Variants in GRID1 observed in about 807,000 individuals in gnomAD.
The protein encoded by GRID1 is glutamate ionotropic receptor delta type subunit 1, also known as glutamate receptor ionotropic, delta-1.
A neutral mutation model predicts 98.0 loss-of-function variants in GRID1; 28 were observed. The observed-to-expected ratio is 0.29, with a 90% CI of 0.21 to 0.39. The LOEUF (loss-of-function observed/expected upper bound fraction) is 0.39. GRID1 is among the 10% of genes least tolerant of loss of function. GRID1 has a pLI of 1.00. For missense variants in GRID1, 1,111 were observed against 1,340.5 expected, an observed-to-expected ratio of 0.83 and a Z score of 2.67; for synonymous variants, 553 against 538.5, an observed-to-expected ratio of 1.03 and a Z score of -0.37.
intron 8 of GRID1, among the ~76,000 whole-genome samples, chr10:85,747,511 G>A (rs1189502591): frequency 6.6e-6 from 1 of 152,050 alleles, no homozygotes; most frequent in Non-Finnish European, 1.5e-5. Context: ...AACCTCATAG[G>A]GCTCAGGCCT....
chr10:85,698,372 A>G (rs1841416175), intron 12 of GRID1, among the ~76,000 whole-genome samples: 1 of 152,220 alleles, frequency 6.6e-6, no homozygotes, highest in South Asian at 2.1e-4. Context: ...ATCCACAAAT[A>G]CATCTTTTAA....
intron 2 of GRID1, among the ~76,000 whole-genome samples, chr10:86,340,311 C>T (rs1848292252): frequency 6.6e-6 from 1 of 152,182 alleles, no homozygotes; most frequent in Non-Finnish European, 1.5e-5. Context: ...AGCAAAATAT[C>T]GGACAGGAAA....
intron 4 of GRID1, among the ~76,000 whole-genome samples, chr10:85,967,653 T>C (rs1842354734): frequency 6.6e-6 from 1 of 152,222 alleles, no homozygotes; most frequent in Non-Finnish European, 1.5e-5. Flanking sequence ...ACAGAAATTA[T>C]ATTTTTAAAG....
chr10:86,017,758 T>C (rs1842998257), intron 4 of GRID1, among the ~76,000 whole-genome samples: 1 of 152,194 alleles, frequency 6.6e-6, no homozygotes, highest in African/African-American at 2.4e-5. Context: ...GAATGATTAG[T>C]AGTTCTGAGC....
In GRID1 at chr10:86,197,031, A is replaced by G. The variant is rs148672502; in HGVS notation, c.520+9333T>C. ...CTGTTCTAAATGCTGTGGGTCCAGT[A>G]TCACTCAACCAAGCAAACAAAACTG... is the stretch of plus-strand genomic sequence containing the variant. On this transcript the variant is annotated intron_variant, in intron 3 of 15. Coordinates refer to ENST00000327946, the MANE Select transcript of GRID1 (RefSeq NM_017551.3). 6.6e-4 allele frequency among the ~76,000 whole-genome samples: 100 copies of G among 152,210 alleles called. 1 individual carries two copies. Among genetic ancestry groups the G allele is most frequent in the Non-Finnish European group, 1.2e-3 (82 of 67,972 alleles).
intron 4 of GRID1, among the ~76,000 whole-genome samples, chr10:86,066,503 C>T (rs1278333141): frequency 6.6e-6 from 1 of 152,172 alleles, no homozygotes; most frequent in African/African-American, 2.4e-5. Context: ...CAAGTTCACA[C>T]AGTTTATAAG....
chr10:86,110,295 T>A (rs558479746), intron 4 of GRID1, among the ~76,000 whole-genome samples: 92 of 152,278 alleles, frequency 6.0e-4, no homozygotes, highest in Admixed American at 2.1e-3. Flanking sequence ...ATTCACCCCC[T>A]GGGTCACCCA....
In GRID1 at chr10:86,034,103, C is replaced by T. The variant is rs904210247; in HGVS notation, c.726+104716G>A. ...AATCAAATGGAAAGCCTACAGCTCC[C>T]GCTATGTTGTTAATATTCGATTTTT... On this transcript the variant is annotated intron_variant, in intron 4 of 15. Transcript: ENST00000327946. 1.3e-4 allele frequency among the ~76,000 whole-genome samples: 20 copies of T among 152,076 alleles called. 1 individual carries two copies. Among genetic ancestry groups the T allele is most frequent in the Non-Finnish European group, 2.8e-4 (19 of 68,036 alleles).
chr10:86,119,951 C>T (rs954849522), intron 4 of GRID1, among the ~76,000 whole-genome samples: 8 of 152,098 alleles, frequency 5.3e-5, no homozygotes, highest in Non-Finnish European at 7.4e-5. Context: ...CCACCATGCC[C>T]GGCTAATTTT....
At chr10:86,119,699 G>A (rs1844638017) in intron 4 of GRID1, among the ~76,000 whole-genome samples, 1 of 152,096 alleles carries the variant, frequency 6.6e-6, no homozygotes, top group South Asian at 2.1e-4. Flanking sequence ...CCCATCTAGG[G>A]CATCCTGTTT....
intron 15 of GRID1, among the ~76,000 whole-genome samples, chr10:85,605,241 G>T (rs758426070): frequency 6.6e-6 from 1 of 152,196 alleles, no homozygotes; most frequent in Non-Finnish European, 1.5e-5. Context: ...TGCTACAATC[G>T]TTTTGGCGAA....
At chr10:85,836,873 C>T (rs1842915932) in intron 8 of GRID1, among the ~76,000 whole-genome samples, 1 of 152,092 alleles carries the variant, frequency 6.6e-6, no homozygotes, top group South Asian at 2.1e-4. Context: ...GTGGCACACA[C>T]CATAGCTTCT....
At chr10:86,353,217 G>A (rs1170744326) in intron 2 of GRID1, among the ~76,000 whole-genome samples, 2 of 152,226 alleles carry the variant, frequency 1.3e-5, no homozygotes, top group Non-Finnish European at 2.9e-5. Context: ...AAGGCAAGGG[G>A]AGCACATGAC....
intron 4 of GRID1, among the ~76,000 whole-genome samples, chr10:86,042,549 T>C (rs527505715): frequency 3.4e-4 from 51 of 152,188 alleles, no homozygotes; most frequent in South Asian, 1.9e-3. Flanking sequence ...TTCTGGAGCA[T>C]GGGGGCCTGG....
At chr10:86,036,122 A>G (rs1323450973) in intron 4 of GRID1, among the ~76,000 whole-genome samples, 1 of 152,184 alleles carries the variant, frequency 6.6e-6, no homozygotes, top group African/African-American at 2.4e-5. Context: ...AACTCATGCA[A>G]TGCAGTTGGG....
intron 8 of GRID1, among the ~76,000 whole-genome samples, chr10:85,743,496 TA>T (rs1049153318): frequency 6.6e-6 from 1 of 151,982 alleles, no homozygotes; most frequent in East Asian, 1.9e-4. Flanking sequence ...AGTGTTACAA[TA>T]AAAAAATATA....
intron 5 of GRID1, among the ~76,000 whole-genome samples, chr10:85,885,816 T>A (rs1841109342): frequency 6.6e-6 from 1 of 152,214 alleles, no homozygotes; most frequent in East Asian, 1.9e-4. Flanking sequence ...AGGAATAAGT[T>A]ACAGAGTGAT....
chr10:85,867,109 A>T (rs1843228418), intron 6 of GRID1, among the ~76,000 whole-genome samples: 1 of 152,080 alleles, frequency 6.6e-6, no homozygotes, highest in South Asian at 2.1e-4. Flanking sequence ...CCTCCAGTGA[A>T]AAGACTTTTT....
chr10:86,275,842 A>G (rs762730911), intron 2 of GRID1, among the ~76,000 whole-genome samples: 27 of 152,206 alleles, frequency 1.8e-4, no homozygotes, highest in Non-Finnish European at 2.8e-4. Context: ...AGAGAGAGAT[A>G]AAGGGGAAGA....
Sources: gnomAD v4.1 joint callset for allele counts (sites outside exome capture counted in the v4.1 genomes callset) on GRCh38, gnomAD v4.1.1 for gene constraint, MANE v1.5 for transcripts, NCBI Gene and HGNC (gene_info 2026-07-23, HGNC 2026-07-21) for gene names.